CKAP2: variants seen among roughly 807,000 people sequenced by gnomAD.
CKAP2 encodes the protein cytoskeleton-associated protein 2.
A neutral mutation model predicts 58.4 loss-of-function variants in CKAP2; 46 were observed. That is an observed-to-expected ratio of 0.79 (90% CI 0.62 to 1.01). The LOEUF is 1.01. Ranked by LOEUF, CKAP2 falls within the 50% of genes least tolerant of loss-of-function variation. The pLI is 0.00. For missense variants in CKAP2, 809 were observed against 796.4 expected (o/e 1.02, Z -0.19); for synonymous variants, 293 against 280.9 (o/e 1.04, Z -0.43).
chr13:52,461,958 G>A (rs777413181), intron 4 of CKAP2, 32 bp downstream of exon 4: 3 of 1,516,076 alleles, frequency 2.0e-6, no homozygotes, highest in Admixed American at 2.2e-5. Context: ...TATTACATTA[G>A]TTTTCAATAA....
In CKAP2 at chr13:52,456,983, T is replaced by C. The variant is rs116180216; in HGVS notation, c.155+376T>C. On this transcript the variant is annotated intron_variant, in intron 2 of 8. Coordinates refer to ENST00000258607, the MANE Select transcript of CKAP2 (RefSeq NM_018204.5). ...TCTTGGCTCACTGCAGCCTCCACCT[T>C]CTGGGTTCAAGTGAATCTCCTGCCT... is the stretch of plus-strand genomic sequence containing the variant. 7.3e-3 allele frequency among the ~76,000 whole-genome samples: 1,115 copies of C among 152,130 alleles called. 4 individuals carry two copies. Among genetic ancestry groups the C allele is most frequent in the African/African-American group, 0.017 (695 of 41,506 alleles).
At position 52,455,528 on chromosome 13, in the gene CKAP2, G is replaced by A. The variant is rs1416424016; in HGVS notation, c.-29G>A. On this transcript the variant is annotated 5_prime_UTR_variant, in exon 1 of 9. Coordinates refer to ENST00000258607, the MANE Select transcript of CKAP2 (RefSeq NM_018204.5). ...GGAAGTTCTATCTTGGCGCTAAAGC[G>A]GAGACGCATCCCCCGACCCGAGGCT... 3 of 1,612,592 alleles carry A rather than the reference G, an allele frequency of 1.9e-6. No individual in the cohort carries two copies. Among genetic ancestry groups the A allele is most frequent in the East Asian group, 2.2e-5 (1 of 44,840 alleles).
At chr13:52,463,196 C>G (rs1441620626) in intron 5 of CKAP2, among the ~76,000 whole-genome samples, 2 of 152,192 alleles carry the variant, frequency 1.3e-5, no homozygotes, top group African/African-American at 2.4e-5. Flanking sequence ...CCTCGGCCTC[C>G]CAAAGTGCTG....
In CKAP2 at chr13:52,462,426, A is replaced by G; in HGVS notation, c.1164A>G (p.Val388=). 1 of 1,614,142 alleles carries G rather than the reference A, an allele frequency of 6.2e-7. No individual in the cohort carries two copies. The highest frequency in any genetic ancestry group is 8.5e-7 in the Non-Finnish European group (1 of 1,180,022). Residue 388 remains valine (V), a synonymous_variant, in exon 5 of 9, where the codon GTA becomes GTG. Transcript: ENST00000258607. ...GRVLKRPPNS[V]VTQHEPAGQN... is the part of the protein sequence containing the mutation. ...TGCTAAAAAGGCCCCCTAATTCAGT[A>G]GTTACTCAGCATGAGCCTGCAGGAC... is the stretch of plus-strand genomic sequence containing the variant.
chr13:52,457,831 G>GT (rs1807450236), intron 2 of CKAP2, among the ~76,000 whole-genome samples: 7 of 151,096 alleles, frequency 4.6e-5, no homozygotes, highest in Admixed American at 4.0e-4. Flanking sequence ...TCCAGCCTGG[G>GT]TGACAGAGCG....
At chr13:52,473,003 A>G (rs889945738) in intron 7 of CKAP2, among the ~76,000 whole-genome samples, 2 of 151,872 alleles carry the variant, frequency 1.3e-5, no homozygotes, top group Non-Finnish European at 2.9e-5. Flanking sequence ...AGATTATGCC[A>G]CTGCACTCCA....
At chr13:52,466,853 T>C (rs1594140340) in intron 6 of CKAP2, among the ~76,000 whole-genome samples, 1 of 152,030 alleles carries the variant, frequency 6.6e-6, no homozygotes, top group Admixed American at 6.6e-5. Flanking sequence ...CCCAACACGT[T>C]GGGAAGCCGA....
chr13:52,461,383 A>C lies in CKAP2; in HGVS notation c.557A>C (p.Lys186Thr). 6.2e-7 allele frequency: 1 copy of C among 1,614,260 alleles called. No individual in the cohort carries two copies. Among genetic ancestry groups the C allele is most frequent in the South Asian group, 1.1e-5 (1 of 91,088 alleles). ...TATCGTGGCCAGATTGTTCAGTCTA[A>C]GATTAATTCATTTAGAAAACCTCTA... Reference protein sequence around the residue: ...GSYRGQIVQSKINSFRKPLQV... With the variant: ...GSYRGQIVQSTINSFRKPLQV... The change falls in exon 4 of 9, where the codon AAG becomes ACG. Residue 186 changes from lysine to threonine, a missense_variant. Physicochemically the swap from Lys to Thr is moderately conservative, Grantham distance 78. Transcript: ENST00000258607.
chr13:52,459,510 A>G (rs939029646), intron 2 of CKAP2, among the ~76,000 whole-genome samples: 3 of 151,984 alleles, frequency 2.0e-5, no homozygotes, highest in African/African-American at 4.8e-5. Flanking sequence ...TTTAGTAGAG[A>G]CAGGGTTTCG....
At position 52,461,864 on chromosome 13, in the gene CKAP2, T is replaced by A; in HGVS notation, c.1038T>A (p.Thr346=). Residue 346 remains threonine, a synonymous_variant, in exon 4 of 9, where the codon ACT becomes ACA. Coordinates refer to ENST00000258607, the MANE Select transcript of CKAP2 (RefSeq NM_018204.5). ...AGCCCGTTGACCAGCGAAGACATAC[T>A]GCAGGAAAAGCAATTGTTGATAGTA... ...KSEPVDQRRH[T]AGKAIVDSRS... 2 of 1,614,102 alleles carry A rather than the reference T, an allele frequency of 1.2e-6. No individual in the cohort carries two copies. The highest frequency in any genetic ancestry group is 1.7e-6 in the Non-Finnish European group (2 of 1,180,004).
intron 7 of CKAP2, among the ~76,000 whole-genome samples, chr13:52,473,081 C>T (rs1158343761): frequency 6.6e-6 from 1 of 151,888 alleles, no homozygotes; most frequent in Non-Finnish European, 1.5e-5. Flanking sequence ...AGAAATATTT[C>T]TCAGATTGGA....
chr13:52,462,208 A>G (rs960490288), intron 4 of CKAP2, among the ~76,000 whole-genome samples, 155 bp from the exon 5 acceptor site: 1 of 152,234 alleles, frequency 6.6e-6, no homozygotes, highest in Non-Finnish European at 1.5e-5. Flanking sequence ...ATTGAGCATA[A>G]TTGACGTTGA....
intron 2 of CKAP2, 60 bp from the exon 3 acceptor site, chr13:52,460,839 A>T: frequency 6.9e-7 from 1 of 1,449,450 alleles, no homozygotes; most frequent in Non-Finnish European, 9.5e-7. Flanking sequence ...CTTCCTCCCC[A>T]AAAGGAAGCC....
In CKAP2 at chr13:52,461,388, A is replaced by G. The variant is rs202229967; in HGVS notation, c.562A>G (p.Asn188Asp). Residue 188 changes from asparagine (N) to aspartate (D), a missense_variant, in exon 4 of 9, where the codon AAT (asparagine) becomes GAT (aspartate). Transcript: ENST00000258607. ...TGGCCAGATTGTTCAGTCTAAGATT[A>G]ATTCATTTAGAAAACCTCTACAAGT... ...YRGQIVQSKI[N>D]SFRKPLQVKD... 886 of 1,614,250 alleles carry G rather than the reference A, an allele frequency of 5.5e-4. 10 individuals carry two copies. In the South Asian group the frequency reaches 7.4e-3, roughly 13 times the overall value.
chr13:52,456,050 C>T, intron 1 of CKAP2: 4 of 1,030,502 alleles, frequency 3.9e-6, no homozygotes, highest in Non-Finnish European at 4.6e-6. Context: ...GTGTTATTTC[C>T]AATTTCACAG....
Position 52,475,049 on chromosome 13 carries a change from C to CAGCT in CKAP2, c.1959_1962dup (p.Thr655AlafsTer9), listed in dbSNP as rs763717825. On this transcript the variant is annotated frameshift_variant, in exon 9 of 9. Coordinates refer to ENST00000258607, the MANE Select transcript of CKAP2 (RefSeq NM_018204.5). LOFTEE classifies it low-confidence loss of function (END_TRUNC). ...TTATCCTTGTGTGTCTTCATTGGAA[C>CAGCT]AGCTAACGGAGTTGGGAAGAGAAAC... 1 of 1,614,208 alleles carries CAGCT rather than the reference C, an allele frequency of 6.2e-7. No individual in the cohort carries two copies. The highest frequency in any genetic ancestry group is 1.1e-5 in the South Asian group (1 of 91,084).
chr13:52,474,718 A>G (rs1376407464), intron 8 of CKAP2, among the ~76,000 whole-genome samples, 177 bp from the exon 9 acceptor site: 2 of 152,234 alleles, frequency 1.3e-5, no homozygotes, highest in African/African-American at 2.4e-5. Flanking sequence ...TGTAATGACA[A>G]ATTGAGAAAA....
intron 2 of CKAP2, among the ~76,000 whole-genome samples, chr13:52,460,116 C>G (rs766656826): frequency 6.6e-6 from 1 of 152,128 alleles, no homozygotes; most frequent in Non-Finnish European, 1.5e-5. Context: ...ACCTCGGCCT[C>G]CCAAAGTGCT....
intron 6 of CKAP2, among the ~76,000 whole-genome samples, chr13:52,466,481 G>T (rs1394139188): frequency 2.6e-5 from 4 of 152,200 alleles, no homozygotes; most frequent in African/African-American, 7.2e-5. Flanking sequence ...TTCTAGAATG[G>T]TAATTATATT....
Sources: gnomAD v4.1 joint callset for allele counts (sites outside exome capture counted in the v4.1 genomes callset) on GRCh38, gnomAD v4.1.1 for gene constraint, MANE v1.5 for transcripts, NCBI Gene and HGNC (gene_info 2026-07-23, HGNC 2026-07-21) for gene names.